Variants in SLC16A12 observed in about 807,000 individuals in gnomAD.
The protein encoded by SLC16A12 is monocarboxylate transporter 12.
SLC16A12 carries 17 observed loss-of-function variants against 42.4 expected under a neutral mutation model. That is an observed-to-expected ratio of 0.40 (90% CI 0.27 to 0.60). The LOEUF (loss-of-function observed/expected upper bound fraction) is 0.60, where lower values mean the gene tolerates loss of function less well. SLC16A12 is among the 20% of genes least tolerant of loss of function. The pLI is 0.42. For missense variants in SLC16A12, 544 were observed against 623.0 expected (o/e 0.87, Z 1.35); for synonymous variants, 224 against 229.4 (o/e 0.98, Z 0.21).
At chr10:89,440,989 C>A in intron 5 of SLC16A12, 119 bp downstream of exon 5, 1 of 1,260,358 alleles carries the variant, frequency 7.9e-7, no homozygotes. Flanking sequence ...TAGACATAAG[C>A]TAGGTCAACT....
intron 2 of SLC16A12, among the ~76,000 whole-genome samples, chr10:89,523,610 T>C (rs1006441569): frequency 5.9e-5 from 9 of 152,172 alleles, no homozygotes; most frequent in African/African-American, 1.9e-4. Flanking sequence ...ATTCTCTTCC[T>C]CTGACCACTC....
intron 6 of SLC16A12, among the ~76,000 whole-genome samples, chr10:89,436,801 A>AGGG (rs1420530248): frequency 2.0e-5 from 3 of 146,488 alleles, no homozygotes; most frequent in East Asian, 3.9e-4. Flanking sequence ...AAGGAAAGGA[A>AGGG]AGGAGGAAGG....
intron 2 of SLC16A12, among the ~76,000 whole-genome samples, chr10:89,555,642 C>CGT (rs1243137159): frequency 6.4e-5 from 9 of 140,038 alleles, no homozygotes; most frequent in Non-Finnish European, 1.4e-4. Context: ...CACATATATA[C>CGT]ATATATATAC....
intron 2 of SLC16A12, among the ~76,000 whole-genome samples, chr10:89,518,583 A>T (rs1452899007): frequency 1.3e-5 from 2 of 152,230 alleles, no homozygotes; most frequent in Admixed American, 1.3e-4. Flanking sequence ...GAGGTGATTT[A>T]AAAAATTCAA....
chr10:89,516,091 C>T (rs988074155), intron 2 of SLC16A12, among the ~76,000 whole-genome samples: 2 of 152,198 alleles, frequency 1.3e-5, no homozygotes, highest in Non-Finnish European at 2.9e-5. Flanking sequence ...ACAATTTACT[C>T]ACAGGAACAC....
chr10:89,527,645 A>C (rs1032702241), intron 2 of SLC16A12, among the ~76,000 whole-genome samples: 4 of 151,592 alleles, frequency 2.6e-5, no homozygotes, highest in African/African-American at 4.9e-5. Flanking sequence ...TCTACAAAAA[A>C]AAAAAAAATT....
At chr10:89,553,444 G>A (rs1843783568) in intron 2 of SLC16A12, among the ~76,000 whole-genome samples, 2 of 152,158 alleles carry the variant, frequency 1.3e-5, no homozygotes, top group Admixed American at 1.3e-4. Context: ...TTGCCAACTA[G>A]CATGACTCAT....
chr10:89,485,115 G>A (rs1341509626), intron 2 of SLC16A12, among the ~76,000 whole-genome samples: 1 of 152,206 alleles, frequency 6.6e-6, no homozygotes, highest in Non-Finnish European at 1.5e-5. Flanking sequence ...GTTTCCTATG[G>A]ATCAGTCGTT....
chr10:89,544,655 G>T (rs1843732980), intron 2 of SLC16A12, among the ~76,000 whole-genome samples: 1 of 152,072 alleles, frequency 6.6e-6, no homozygotes. Flanking sequence ...AAATTTTTTA[G>T]TTCCTATGAT....
At chr10:89,442,347 C>A (rs893348778) in intron 4 of SLC16A12, among the ~76,000 whole-genome samples, 1 of 152,148 alleles carries the variant, frequency 6.6e-6, no homozygotes. Flanking sequence ...CTTGGTCTTG[C>A]ATAGAATTTA....
intron 3 of SLC16A12, among the ~76,000 whole-genome samples, chr10:89,450,760 AAAAAG>A (rs1175992918): frequency 2.0e-5 from 3 of 152,226 alleles, no homozygotes; most frequent in Non-Finnish European, 4.4e-5. Context: ...GTATAATAAA[AAAAAG>A]AAAATTTCCT....
intron 2 of SLC16A12, among the ~76,000 whole-genome samples, chr10:89,542,600 G>A (rs1013780873): frequency 1.1e-4 from 17 of 152,014 alleles, no homozygotes; most frequent in Non-Finnish European, 2.2e-4. Context: ...CACAGTGTCT[G>A]GCCTGTTATA....
rs1267716894 is a variant in SLC16A12, at chr10:89,432,434, C to T, written c.*630G>A. On this transcript the variant is annotated 3_prime_UTR_variant, in exon 8 of 8. Coordinates refer to ENST00000371790, the MANE Select transcript of SLC16A12 (RefSeq NM_213606.4). ...ATTTGGATTCTCATAGTGGTGTCTA[C>T]CCTTGGGCAGAGGCAAGGGCTGGCT... 1 of 152,126 alleles carries T rather than the reference C, an allele frequency of 6.6e-6. No individual in the cohort carries two copies. Among genetic ancestry groups the T allele is most frequent in the Non-Finnish European group, 1.5e-5 (1 of 68,160 alleles). 9.4% of individuals were successfully genotyped at this position (152,126 alleles called of 1,614,324 possible).
At chr10:89,512,752 G>A (rs1012571252) in intron 2 of SLC16A12, among the ~76,000 whole-genome samples, 2 of 152,182 alleles carry the variant, frequency 1.3e-5, no homozygotes, top group African/African-American at 4.8e-5. Flanking sequence ...CTAGTAAGTA[G>A]ATTGGTTTTC....
chr10:89,523,157 C>T (rs1198788681), intron 2 of SLC16A12, among the ~76,000 whole-genome samples: 1 of 152,136 alleles, frequency 6.6e-6, no homozygotes, highest in African/African-American at 2.4e-5. Context: ...ACTCATGTGT[C>T]TCTTTTCTTG....
chr10:89,518,133 G>C (rs1202896382), intron 2 of SLC16A12, among the ~76,000 whole-genome samples: 1 of 152,200 alleles, frequency 6.6e-6, no homozygotes, highest in Non-Finnish European at 1.5e-5. Context: ...AGGAAAAACA[G>C]AGATAAACAA....
At chr10:89,515,256 C>CA (rs1171003190) in intron 2 of SLC16A12, among the ~76,000 whole-genome samples, 3 of 152,166 alleles carry the variant, frequency 2.0e-5, no homozygotes, top group African/African-American at 7.2e-5. Context: ...TCAGGACTCT[C>CA]AAATCCCTCC....
chr10:89,447,237 C>A (rs936614897), intron 3 of SLC16A12, among the ~76,000 whole-genome samples: 1 of 152,312 alleles, frequency 6.6e-6, no homozygotes, highest in African/African-American at 2.4e-5. Flanking sequence ...GACTTGAATT[C>A]AGCTCTGCAC....
chr10:89,486,836 A>G (rs1314692953), intron 2 of SLC16A12, among the ~76,000 whole-genome samples: 1 of 152,144 alleles, frequency 6.6e-6, no homozygotes, highest in East Asian at 1.9e-4. Context: ...TTGTTTTCCA[A>G]TAAAGATAAC....
Sources: allele counts gnomAD v4.1 joint callset (sites outside exome capture counted in the v4.1 genomes callset), GRCh38; gene constraint gnomAD v4.1.1; transcripts MANE v1.5; gene names NCBI Gene and HGNC (gene_info 2026-07-23, HGNC 2026-07-21).